Variants in NFASC observed in about 807,000 individuals in gnomAD.
The protein encoded by NFASC is neurofascin, also known as neurofascin homolog.
Under a neutral mutation model 147.5 loss-of-function variants are expected in NFASC, and 43 were observed. The observed-to-expected ratio is 0.29, with a 90% CI of 0.23 to 0.38. The LOEUF (loss-of-function observed/expected upper bound fraction) is 0.38. Among genes scored for constraint, NFASC ranks in the 10% least tolerant of loss-of-function variants. NFASC has a pLI of 1.00. For synonymous variants in NFASC, 622 were observed against 665.5 expected (o/e 0.93, Z 1.01); for missense variants, 1,320 against 1,689.0 (o/e 0.78, Z 3.83).
chr1:204,985,348 C>G (rs2095594885), intron 21 of NFASC, among the ~76,000 whole-genome samples: 1 of 152,204 alleles, frequency 6.6e-6, no homozygotes, highest in Admixed American at 6.5e-5. Context: ...CTGTCTCATC[C>G]CTAAAGATCT....
chr1:204,961,530 A>G (rs528755640), intron 8 of NFASC, among the ~76,000 whole-genome samples: 1 of 152,332 alleles, frequency 6.6e-6, no homozygotes, highest in South Asian at 2.1e-4. Context: ...ACCTGGGCAG[A>G]CTCCAGTGAC....
intron 1 of NFASC, among the ~76,000 whole-genome samples, chr1:204,841,821 C>G (rs943531912): frequency 6.6e-6 from 1 of 152,160 alleles, no homozygotes; most frequent in African/African-American, 2.4e-5. Context: ...GGTGACTCCT[C>G]TCCTCCAGTA....
intron 1 of NFASC, among the ~76,000 whole-genome samples, chr1:204,875,412 G>C (rs1299817151): frequency 2.6e-5 from 4 of 152,178 alleles, no homozygotes; most frequent in African/African-American, 9.7e-5. Context: ...CCTCCCAGAA[G>C]TCACATGTGC....
chr1:205,000,843 A>G, intron 25 of NFASC: 1 of 355,168 alleles, frequency 2.8e-6, no homozygotes, highest in Non-Finnish European at 5.3e-6. Flanking sequence ...AAAAAAACAG[A>G]AAACAAAAAA....
intron 26 of NFASC, among the ~76,000 whole-genome samples, 161 bp downstream of exon 26, chr1:205,001,447 C>T (rs950886703): frequency 6.6e-6 from 1 of 151,946 alleles, no homozygotes; most frequent in Admixed American, 6.6e-5. Flanking sequence ...TGCACTCAGG[C>T]GGCAGTGAGG....
At position 204,968,081 on chromosome 1, in the gene NFASC, G is replaced by A. The variant is rs557376318; in HGVS notation, c.707-168G>A. ...ATGTAGGTGGGGCTGAGGAGCCCTG[G>A]GCTTCCTAACACACCTCACTTAATG... On this transcript the variant is annotated intron_variant, in intron 8 of 29. Coordinates refer to ENST00000339876, the MANE Select transcript of NFASC (RefSeq NM_001005388.3). This position sits in a 1 kb window ranked among gnomAD's most constrained non-coding sequence, Gnocchi z 5.4. The A allele has an allele frequency of 5.9e-5, 35 of 591,770 alleles. No individual in the cohort carries two copies. Among genetic ancestry groups the A allele is most frequent in the African/African-American group, 5.4e-4 (29 of 53,842 alleles). The allele number at this position is 591,770 out of a possible 1,614,324, so 36.7% of individuals were successfully genotyped here.
In NFASC at chr1:204,953,258, G is replaced by A. The variant is rs368222904; in HGVS notation, c.216-930G>A. Among the ~76,000 whole-genome samples the A allele has an allele frequency of 2.1e-3, 326 of 152,294 alleles. 2 individuals are homozygous for A. In the Middle Eastern group the frequency reaches 0.061, roughly 29 times the overall value. On this transcript the variant is annotated intron_variant, in intron 5 of 29. Coordinates refer to ENST00000339876, the MANE Select transcript of NFASC (RefSeq NM_001005388.3). ...ACCAGTGGCTCAGTTCTACTAGGCT[G>A]CCATTTCTTTAAAAGCTGCCACTGT... is the stretch of plus-strand genomic sequence containing the variant.
rs1266691692 is a variant in NFASC at position 205,020,143 on chromosome 1, G to C, written c.*3604G>C. On this transcript the variant is annotated 3_prime_UTR_variant, in exon 30 of 30. Coordinates refer to ENST00000339876, the MANE Select transcript of NFASC (RefSeq NM_001005388.3). ...CCTGCCCCTGGCAAGCCCTGAAGTC[G>C]GGAGAGGTGACCACAGGTCTGAAAA... 1 of 152,274 alleles carries C rather than the reference G, an allele frequency of 6.6e-6. No homozygotes were observed. Among genetic ancestry groups the C allele is most frequent in the East Asian group, 1.9e-4 (1 of 5,196 alleles). 9.4% of individuals were successfully genotyped at this position (152,274 alleles called of 1,614,324 possible).
chr1:204,907,667 A>C (rs2086294942), intron 1 of NFASC, among the ~76,000 whole-genome samples: 1 of 151,860 alleles, frequency 6.6e-6, no homozygotes, highest in Non-Finnish European at 1.5e-5. Context: ...GAATGGCTCA[A>C]CTCCCTTGCA....
intron 28 of NFASC, among the ~76,000 whole-genome samples, chr1:205,011,214 C>CA (rs72501031): frequency 2.0e-5 from 3 of 151,492 alleles, no homozygotes; most frequent in Non-Finnish European, 2.9e-5. Flanking sequence ...AGGACCCCCC[C>CA]CAAAACTCAA....
intron 1 of NFASC, among the ~76,000 whole-genome samples, chr1:204,890,608 C>T (rs912724942): frequency 2.0e-5 from 3 of 148,796 alleles, no homozygotes; most frequent in African/African-American, 5.0e-5. Context: ...CTCACTCTGT[C>T]GCCCAGGCTA....
chr1:204,872,928 A>G (rs539318413), intron 1 of NFASC, among the ~76,000 whole-genome samples: 5 of 152,158 alleles, frequency 3.3e-5, no homozygotes, highest in African/African-American at 9.7e-5. Context: ...AAACCCAGAG[A>G]AGTTAAGCAT....
intron 1 of NFASC, among the ~76,000 whole-genome samples, chr1:204,832,357 A>C (rs1672454773): frequency 3.3e-5 from 5 of 152,186 alleles, no homozygotes. Flanking sequence ...TGTGTAGGCA[A>C]GATGCACAGG....
chr1:204,979,182 G>A lies in NFASC; in HGVS notation c.1978+113G>A, dbSNP rs1013835345. On this transcript the variant is annotated intron_variant, in intron 18 of 29. Transcript: ENST00000339876. The surrounding 1 kb of genome is among the most constrained non-coding windows in gnomAD (Gnocchi z 6.0). ...TCTGCCTCGCTTGATGTGTGTCCTG[G>A]GCTAACCTCAGAATGTACAGAGGCC... The A allele has an allele frequency of 2.7e-5, 28 of 1,021,086 alleles. No individual in the cohort carries two copies. The South Asian group carries it at 3.8e-4, about 14-fold the overall frequency. 63.3% of individuals were successfully genotyped at this position (1,021,086 alleles called of 1,614,324 possible).
rs1232005654 is a variant in NFASC, at chr1:205,020,838, C to CGCTCCCCA, written c.*4300_*4307dup. ...TTCCTGGGAGGCCGGCACAAGGCAC[C>CGCTCCCCA]GCTCCCCACTCATGACACCTTGGTG... On this transcript the variant is annotated 3_prime_UTR_variant, in exon 30 of 30. Coordinates refer to ENST00000339876, the MANE Select transcript of NFASC (RefSeq NM_001005388.3). The CGCTCCCCA allele has an allele frequency of 6.6e-6, 1 of 152,082 alleles. No homozygotes were observed. Among genetic ancestry groups the CGCTCCCCA allele is most frequent in the African/African-American group, 2.4e-5 (1 of 41,390 alleles). The allele number at this position is 152,082 out of a possible 1,614,324, so 9.4% of individuals were successfully genotyped here.
chr1:204,932,083 G>A (rs2092410968), intron 2 of NFASC, among the ~76,000 whole-genome samples: 1 of 152,080 alleles, frequency 6.6e-6, no homozygotes, highest in Admixed American at 6.6e-5. Context: ...AGTGTGGCCT[G>A]CAGCTAAGCC....
chr1:204,857,556 C>T (rs578118300), intron 1 of NFASC, among the ~76,000 whole-genome samples: 36 of 152,340 alleles, frequency 2.4e-4, no homozygotes, highest in African/African-American at 8.7e-4. Flanking sequence ...CCTGTCGCAG[C>T]CCCCAGAATC....
At chr1:204,834,462 G>A (rs530637105) in intron 1 of NFASC, among the ~76,000 whole-genome samples, 13 of 152,108 alleles carry the variant, frequency 8.5e-5, no homozygotes, top group Admixed American at 5.2e-4. Flanking sequence ...ATCCCCTCCC[G>A]GCTCCTGCTG....
At chr1:204,957,581 C>T (rs1414507616) in intron 7 of NFASC, 75 bp from the exon 8 acceptor site, 1 of 1,430,058 alleles carries the variant, frequency 7.0e-7, no homozygotes. Flanking sequence ...GTAAAGTGTT[C>T]TGTCGCCAGG....
Sources: allele counts gnomAD v4.1 joint callset (sites outside exome capture counted in the v4.1 genomes callset), GRCh38; gene constraint gnomAD v4.1.1; non-coding constraint Gnocchi (gnomAD v3.1); transcripts MANE v1.5; gene names NCBI Gene and HGNC (gene_info 2026-07-23, HGNC 2026-07-21).